Variants in ZNF808 observed in about 807,000 individuals in gnomAD.
ZNF808 encodes the protein zinc finger protein 808.
In ZNF808, 5 loss-of-function variants were observed where a neutral mutation model predicts 8.7. The ratio of observed to expected loss-of-function variants is 0.58; its 90% confidence interval spans 0.30 to 1.21. ZNF808 has a LOEUF of 1.21. Ranked by LOEUF, ZNF808 falls within the 50% of genes most tolerant of loss-of-function variation. ZNF808 has a pLI of 0.07. For synonymous variants in ZNF808, 380 were observed against 366.0 expected (o/e 1.04, Z -0.44); for missense variants, 1,103 against 1,098.4 (o/e 1.00, Z -0.06).
chr19:52,564,347 A>T (rs2017173), exon 4 of ZNF808: 51,907 of 543,090 alleles, frequency 0.096, 4,743 homozygotes, highest in African/African-American at 0.36. Flanking sequence ...TTGGGAATAT[A>T]TTTTTTTCTC....
intron 4 of ZNF808, among the ~76,000 whole-genome samples, chr19:52,551,255 G>C (rs958479955): frequency 2.0e-5 from 3 of 151,932 alleles, no homozygotes; most frequent in African/African-American, 7.3e-5. Context: ...GTGAGGCTGA[G>C]ACAGGAGAGT....
At chr19:52,565,292 CAA>C (rs2059870461), downstream of ZNF808, among the ~76,000 whole-genome samples, 2 of 151,946 alleles carry the variant, frequency 1.3e-5, no homozygotes, top group South Asian at 4.2e-4. Flanking sequence ...AAATAAAAAA[CAA>C]TATCAGTGTG....
chr19:52,528,236 A>G (rs550335279), intron 1 of ZNF808, among the ~76,000 whole-genome samples: 1 of 152,170 alleles, frequency 6.6e-6, no homozygotes, highest in African/African-American at 2.4e-5. Flanking sequence ...CACCGCTTCC[A>G]TTGAACCCAC....
At chr19:52,564,071 T>C in exon 4 of ZNF808, 1 of 630,912 alleles carries the variant, frequency 1.6e-6, no homozygotes, top group Admixed American at 2.2e-5. Context: ...ACTCCACTTC[T>C]TGTCATGTCT....
chr19:52,528,501 G>T (rs1175061269), intron 1 of ZNF808, among the ~76,000 whole-genome samples: 1 of 152,160 alleles, frequency 6.6e-6, no homozygotes, highest in African/African-American at 2.4e-5. Flanking sequence ...AGTGGAAAAA[G>T]AAAGCAACAA....
intron 2 of ZNF808, among the ~76,000 whole-genome samples, chr19:52,542,895 G>C (rs527467265): frequency 8.6e-5 from 13 of 151,236 alleles, no homozygotes; most frequent in Non-Finnish European, 1.6e-4. Flanking sequence ...TGCAACCTCT[G>C]CCTCCTGGGT....
intron 1 of ZNF808, among the ~76,000 whole-genome samples, chr19:52,531,248 C>T (rs1312232077): frequency 2.0e-5 from 3 of 152,026 alleles, no homozygotes; most frequent in African/African-American, 4.8e-5. Flanking sequence ...CTGATGTGGG[C>T]GAATCACCTG....
intron 2 of ZNF808, 76 bp from the exon 3 acceptor site, chr19:52,543,190 C>T (rs1252292056): frequency 6.0e-6 from 9 of 1,489,950 alleles, no homozygotes; most frequent in Non-Finnish European, 7.4e-6. Context: ...GGTGACATCT[C>T]CCGGTTCATG....
At chr19:52,550,341 C>T (rs1209618367) in intron 4 of ZNF808, among the ~76,000 whole-genome samples, 1 of 151,988 alleles carries the variant, frequency 6.6e-6, no homozygotes, top group Non-Finnish European at 1.5e-5. Flanking sequence ...AGCGATTCTC[C>T]TTCCTCAGCC....
rs530394044 is a variant in ZNF808, at chr19:52,551,658, G to A, written c.191-1449G>A. On this transcript the variant is annotated intron_variant, in intron 4 of 4. Coordinates refer to ENST00000359798, the MANE Select transcript of ZNF808 (RefSeq NM_001039886.4). ...TAATTAATTTTATAATTTTACATAT[G>A]GCTTTTCGGTATGTGGTATGCAATA... Among the ~76,000 whole-genome samples the A allele has an allele frequency of 3.9e-5, 6 of 152,140 alleles. No individual in the cohort carries two copies. In the East Asian group the frequency reaches 1.2e-3, roughly 29 times the overall value.
chr19:52,540,780 C>T (rs1244751267), intron 2 of ZNF808, among the ~76,000 whole-genome samples: 1 of 152,128 alleles, frequency 6.6e-6, no homozygotes, highest in Non-Finnish European at 1.5e-5. Flanking sequence ...CTACAGCTGC[C>T]TCTTTTTCAG....
intron 1 of ZNF808, among the ~76,000 whole-genome samples, chr19:52,529,556 T>C (rs1250797966): frequency 2.0e-5 from 3 of 152,194 alleles, no homozygotes; most frequent in Non-Finnish European, 2.9e-5. Flanking sequence ...ATTCTATAAA[T>C]CTTGGCATCA....
chr19:52,533,835 T>A (rs2059581269), intron 2 of ZNF808, among the ~76,000 whole-genome samples: 1 of 86,514 alleles, frequency 1.2e-5, no homozygotes, highest in Non-Finnish European at 2.0e-5. Context: ...AAAGTGAGAC[T>A]CCGTCTCCAA....
At chr19:52,535,296 A>C (rs1404409266) in intron 2 of ZNF808, among the ~76,000 whole-genome samples, 1 of 137,732 alleles carries the variant, frequency 7.3e-6, no homozygotes, top group Non-Finnish European at 1.5e-5. Flanking sequence ...GTGCCACTGC[A>C]CTCCAGCCTG....
chr19:52,556,144 A>T lies in ZNF808; in HGVS notation c.*516A>T, dbSNP rs946753152. 3.5e-5 allele frequency: 13 copies of T among 376,452 alleles called. No homozygotes were observed. The highest frequency in any genetic ancestry group is 7.0e-5 in the Non-Finnish European group (13 of 186,864). The allele number at this position is 376,452 out of a possible 1,614,324, so 23.3% of individuals were successfully genotyped here. A position where few individuals can be genotyped will look rare whatever the true frequency, so the allele number is the denominator to read the frequency against. ...TGACTTAACATTGAGTTCAAGCCTT[A>T]ATTGACATTCAAGTGTTTATGTTAA... On this transcript the variant is annotated 3_prime_UTR_variant, in exon 5 of 5. Transcript: ENST00000359798.
chr19:52,528,339 G>A (rs892406273), intron 1 of ZNF808, among the ~76,000 whole-genome samples: 2 of 152,178 alleles, frequency 1.3e-5, no homozygotes, highest in African/African-American at 4.8e-5. Context: ...CGGGATGCAG[G>A]CGTCTTACTC....
At chr19:52,544,664 G>A (rs1460854909) in intron 3 of ZNF808, among the ~76,000 whole-genome samples, 2 of 152,038 alleles carry the variant, frequency 1.3e-5, no homozygotes, top group African/African-American at 2.4e-5. Flanking sequence ...TTGTTGTCTA[G>A]GCTGGAGTGC....
intron 1 of ZNF808, among the ~76,000 whole-genome samples, chr19:52,528,589 G>A (rs150919443): frequency 1.2e-3 from 188 of 152,026 alleles, no homozygotes; most frequent in African/African-American, 4.3e-3. Flanking sequence ...GATGAAGGAC[G>A]GCAAGGTAGG....
chr19:52,556,594 G>C (rs2059837792), downstream of ZNF808: 1 of 152,004 alleles, frequency 6.6e-6, no homozygotes, highest in African/African-American at 2.4e-5. Context: ...AAAGTCCTGG[G>C]ATTACAGGCA....
Sources: gnomAD v4.1 joint callset for allele counts (sites outside exome capture counted in the v4.1 genomes callset) on GRCh38, gnomAD v4.1.1 for gene constraint, MANE v1.5 for transcripts, NCBI Gene and HGNC (gene_info 2026-07-23, HGNC 2026-07-21) for gene names.